TFDP1: variants seen among roughly 807,000 people sequenced by gnomAD.
TFDP1 encodes the protein DRTF1-polypeptide 1.
Under a neutral mutation model 48.0 loss-of-function variants are expected in TFDP1, and 6 were observed. That is an observed-to-expected ratio of 0.13 (90% CI 0.07 to 0.25). TFDP1 has a LOEUF of 0.25. TFDP1 is among the 10% of genes least tolerant of loss of function. The probability of loss-of-function intolerance (pLI) is 1.00; values close to 1 mark genes in which losing one functional copy is unlikely to be tolerated. For missense variants in TFDP1, 335 were observed against 543.0 expected (o/e 0.62, Z 3.81); for synonymous variants, 201 against 211.6 (o/e 0.95, Z 0.44).
intron 3 of TFDP1, among the ~76,000 whole-genome samples, chr13:113,612,529 A>G (rs1429375874): frequency 6.6e-6 from 1 of 152,280 alleles, no homozygotes; most frequent in Non-Finnish European, 1.5e-5. Context: ...CTAATTGAAC[A>G]CTTAAAAGTG....
chr13:113,592,775 G>A (rs898538197), intron 2 of TFDP1, among the ~76,000 whole-genome samples: 2 of 152,004 alleles, frequency 1.3e-5, no homozygotes, highest in Admixed American at 1.3e-4. Context: ...CCTCAGCCCT[G>A]CCCAGGAGAC....
chr13:113,619,441 A>G (rs2048940732), intron 3 of TFDP1, among the ~76,000 whole-genome samples: 1 of 150,170 alleles, frequency 6.7e-6, no homozygotes, highest in Non-Finnish European at 1.5e-5. Context: ...ACTGCCCTCC[A>G]GCCTGGGCGA....
Position 113,623,259 on chromosome 13 carries a change from G to A in TFDP1, c.159G>A (p.Gln53=). 6.2e-7 allele frequency: 1 copy of A among 1,613,006 alleles called. No homozygotes were observed. Among genetic ancestry groups the A allele is most frequent in the Non-Finnish European group, 8.5e-7 (1 of 1,179,492 alleles). ...AGCTCTTGCCAAAAACCTTTGGACA[G>A]TCCAATGTCAACATTGCCCAGCAAG... The part of the protein sequence containing the change: ...GKQLLPKTFG[Q]SNVNIAQQVV... The change falls in exon 4 of 12, where the codon CAG becomes CAA. Residue 53 remains glutamine (Q), a synonymous_variant. Coordinates refer to ENST00000375370, the MANE Select transcript of TFDP1 (RefSeq NM_007111.5). This position sits in a 1 kb window ranked among gnomAD's most constrained non-coding sequence, Gnocchi z 5.2.
intron 11 of TFDP1, among the ~76,000 whole-genome samples, chr13:113,639,503 A>G (rs1024869409): frequency 1.3e-5 from 2 of 152,262 alleles, no homozygotes; most frequent in Non-Finnish European, 2.9e-5. Context: ...CAAGATACAG[A>G]ATTACTTCAT....
intron 3 of TFDP1, among the ~76,000 whole-genome samples, chr13:113,613,249 C>T (rs2048752358): frequency 6.6e-6 from 1 of 152,248 alleles, no homozygotes; most frequent in Admixed American, 6.5e-5. Flanking sequence ...CTCCTGACAT[C>T]ATGATCCGCC....
At chr13:113,626,431 A>C (rs961845849) in intron 4 of TFDP1, among the ~76,000 whole-genome samples, 1 of 152,160 alleles carries the variant, frequency 6.6e-6, no homozygotes, top group Non-Finnish European at 1.5e-5. Flanking sequence ...TTTAAGAGAG[A>C]GTGGCTTGTG....
At chr13:113,585,175 T>C (rs1483049995) in intron 1 of TFDP1, 2 of 144,572 alleles carry the variant, frequency 1.4e-5, no homozygotes, top group African/African-American at 2.5e-5. Flanking sequence ...GGGCCGGGGC[T>C]GGGGCCAGGG....
At position 113,630,182 on chromosome 13, in the gene TFDP1, C is replaced by CAT. The variant is rs397759026; in HGVS notation, c.187-1441_187-1440insAT. Among the ~76,000 whole-genome samples the CAT allele has an allele frequency of 1.7e-4, 25 of 149,622 alleles. No homozygotes were observed. The East Asian group carries it at 3.3e-3, about 20-fold the overall frequency. ...ACACACACACACACACACACACACA[C>CAT]GCGTATTGAACAAAACAAGTTTCAC... is the stretch of plus-strand genomic sequence containing the variant. On this transcript the variant is annotated intron_variant, in intron 4 of 11. Transcript: ENST00000375370.
chr13:113,640,581 A>T lies in TFDP1; in HGVS notation c.*314A>T. ...TGAAAAGTTTTTGCTGAGTTTGCTG[A>T]AGAAATTGTATTTCAACCACATCCA... On this transcript the variant is annotated 3_prime_UTR_variant, in exon 12 of 12. Transcript: ENST00000375370. 3.3e-6 allele frequency: 1 copy of T among 298,898 alleles called. No individual in the cohort carries two copies. The highest frequency in any genetic ancestry group is 6.3e-6 in the Non-Finnish European group (1 of 159,690). The allele number at this position is 298,898 out of a possible 1,614,324, so 18.5% of individuals were successfully genotyped here. A position where few individuals can be genotyped will look rare whatever the true frequency, so the allele number is the denominator to read the frequency against.
At chr13:113,596,924 G>A (rs1035235879) in intron 2 of TFDP1, among the ~76,000 whole-genome samples, 14 of 152,184 alleles carry the variant, frequency 9.2e-5, no homozygotes, top group African/African-American at 3.1e-4. Flanking sequence ...AAGGCTGCGC[G>A]TCCCCTCGCC....
At position 113,623,068 on chromosome 13, in the gene TFDP1, G is replaced by A. The variant is rs75574697; in HGVS notation, c.80-112G>A. 4.5e-5 allele frequency: 40 copies of A among 890,742 alleles called. No individual in the cohort carries two copies. In the East Asian group the frequency reaches 1.0e-3, roughly 23 times the overall value. The allele number at this position is 890,742 out of a possible 1,614,324, so 55.2% of individuals were successfully genotyped here. A position where few individuals can be genotyped will look rare whatever the true frequency, so the allele number is the denominator to read the frequency against. On this transcript the variant is annotated intron_variant, in intron 3 of 11. Coordinates refer to ENST00000375370, the MANE Select transcript of TFDP1 (RefSeq NM_007111.5). The surrounding 1 kb of genome is among the most constrained non-coding windows in gnomAD (Gnocchi z 5.2). ...CCCTGGATTTGAGACAGTACACGTG[G>A]GGAAAGCTAAGCATCTCTAATTGCA...
At chr13:113,590,583 C>T (rs1159283441) in intron 2 of TFDP1, among the ~76,000 whole-genome samples, 1 of 152,114 alleles carries the variant, frequency 6.6e-6, no homozygotes, top group Non-Finnish European at 1.5e-5. Context: ...TCAGTTTAGC[C>T]CCCTCAGGTT....
chr13:113,629,677 A>G (rs2049281777), intron 4 of TFDP1, among the ~76,000 whole-genome samples: 1 of 152,080 alleles, frequency 6.6e-6, no homozygotes, highest in African/African-American at 2.4e-5. Context: ...GTGTGGTAGG[A>G]GAGGTGGATG....
chr13:113,605,900 G>A (rs2048553779), intron 2 of TFDP1, among the ~76,000 whole-genome samples: 1 of 141,452 alleles, frequency 7.1e-6, no homozygotes, highest in Admixed American at 6.8e-5. Context: ...AGTGTCCAAG[G>A]CGGCGCGGTG....
intron 4 of TFDP1, among the ~76,000 whole-genome samples, chr13:113,630,077 G>C (rs1475868681): frequency 6.6e-6 from 1 of 152,168 alleles, no homozygotes; most frequent in Non-Finnish European, 1.5e-5. Flanking sequence ...TGCGGGGCCA[G>C]CGCGCTCTCA....
rs185786128 is a variant in TFDP1 at position 113,618,908 on chromosome 13, A to G, written c.80-4272A>G. On this transcript the variant is annotated intron_variant, in intron 3 of 11. Transcript: ENST00000375370. ...CATATAATATTTGTCTGTGTTTCAG[A>G]CGCACACAAAAACAATCATTTATAG... Among the ~76,000 whole-genome samples the G allele has an allele frequency of 1.6e-3, 238 of 152,344 alleles. 2 individuals carry two copies. The highest frequency in any genetic ancestry group is 0.01 in the Middle Eastern group (3 of 294).
At chr13:113,614,229 TGTGTGAGTTGA>T (rs1457012471) in intron 3 of TFDP1, among the ~76,000 whole-genome samples, 1 of 151,732 alleles carries the variant, frequency 6.6e-6, no homozygotes, top group Non-Finnish European at 1.5e-5. Flanking sequence ...TGTGTGTGCG[TGTGTGAGTTGA>T]GTGTGAGTTC....
At chr13:113,588,356 G>A (rs1363243213) in intron 2 of TFDP1, among the ~76,000 whole-genome samples, 1 of 152,230 alleles carries the variant, frequency 6.6e-6, no homozygotes, top group Non-Finnish European at 1.5e-5. Flanking sequence ...CATGGAGGAG[G>A]AGAAACAAGG....
At chr13:113,600,975 A>C (rs994222519) in intron 2 of TFDP1, among the ~76,000 whole-genome samples, 4 of 152,230 alleles carry the variant, frequency 2.6e-5, no homozygotes, top group Admixed American at 1.3e-4. Context: ...CAGGACCACG[A>C]GAGAGAACCC....
Sources: gnomAD v4.1 joint callset for allele counts (sites outside exome capture counted in the v4.1 genomes callset) on GRCh38, gnomAD v4.1.1 for gene constraint, Gnocchi (gnomAD v3.1) non-coding constraint, MANE v1.5 for transcripts, NCBI Gene and HGNC (gene_info 2026-07-23, HGNC 2026-07-21) for gene names.